MEF2C: variants seen among roughly 807,000 people sequenced by gnomAD.
MEF2C encodes myocyte-specific enhancer factor 2C.
A neutral mutation model predicts 50.5 loss-of-function variants in MEF2C; 6 were observed. That is an observed-to-expected ratio of 0.12 (90% CI 0.07 to 0.23). MEF2C has a LOEUF of 0.23. Among genes scored for constraint, MEF2C ranks in the 10% least tolerant of loss-of-function variants. The pLI is 1.00. For synonymous variants in MEF2C, 183 were observed against 228.0 expected (o/e 0.80, Z 1.78); for missense variants, 276 against 605.0 (o/e 0.46, Z 5.70).
At chr5:88,738,683 C>A in intron 6 of MEF2C, 1 of 985,254 alleles carries the variant, frequency 1.0e-6, no homozygotes, top group Non-Finnish European at 1.2e-6. Context: ...TATGGGGATA[C>A]AAATGAAGAG....
intron 1 of MEF2C, among the ~76,000 whole-genome samples, chr5:88,872,888 T>C (rs953732684): frequency 2.0e-5 from 3 of 152,034 alleles, no homozygotes; most frequent in Non-Finnish European, 4.4e-5. Flanking sequence ...GTTTGTCTAA[T>C]AGCATAATAT....
At chr5:88,723,030 G>A in intron 10 of MEF2C, 105 bp from the exon 11 acceptor site, 2 of 1,025,168 alleles carry the variant, frequency 2.0e-6, no homozygotes, top group South Asian at 1.7e-5. Flanking sequence ...AGACACCAGA[G>A]CATGCCCAGA....
At chr5:88,804,385 T>C in intron 3 of MEF2C, 1 of 520,008 alleles carries the variant, frequency 1.9e-6, no homozygotes, top group East Asian at 3.0e-5. Context: ...AAAGACCAGA[T>C]CTTACATGGT....
intron 2 of MEF2C, among the ~76,000 whole-genome samples, chr5:88,821,125 TTAAA>T (rs754569713): frequency 3.9e-4 from 59 of 152,116 alleles, no homozygotes; most frequent in Non-Finnish European, 7.5e-4. Flanking sequence ...TAAGCTGAAT[TTAAA>T]TAAGTTTTCT....
At chr5:88,746,775 A>G (rs1026808967) in intron 6 of MEF2C, 1 of 795,608 alleles carries the variant, frequency 1.3e-6, no homozygotes, top group Non-Finnish European at 1.5e-6. Context: ...TATGAGTAGG[A>G]CATGACAGCT....
intron 4 of MEF2C, chr5:88,752,466 T>C (rs904398729): frequency 2.5e-6 from 1 of 396,118 alleles, no homozygotes; most frequent in African/African-American, 2.2e-5. Context: ...TTGAAGCATA[T>C]TTATGTAGAA....
At chr5:88,835,813 T>TA (rs11417968) in intron 1 of MEF2C, among the ~76,000 whole-genome samples, 47,827 of 115,084 alleles carry the variant, frequency 0.42, 10,551 homozygotes, top group African/African-American at 0.63. Flanking sequence ...AACTCCATCT[T>TA]AAAAAAAAAA....
chr5:88,845,185 C>T (rs747672572), intron 1 of MEF2C, among the ~76,000 whole-genome samples: 67 of 152,288 alleles, frequency 4.4e-4, no homozygotes, highest in Non-Finnish European at 7.9e-4. Context: ...AAATAACGAA[C>T]GCTTAACTGC....
chr5:88,882,421 G>C (rs1249638814), intron 1 of MEF2C, among the ~76,000 whole-genome samples: 1 of 152,170 alleles, frequency 6.6e-6, no homozygotes, highest in South Asian at 2.1e-4. Flanking sequence ...CTTTGGTGAG[G>C]GAAGGAAATG....
In MEF2C at chr5:88,787,994, C is replaced by G. The variant is rs1287079498; in HGVS notation, c.258+16604G>C. On this transcript the variant is annotated intron_variant, in intron 3 of 10. Coordinates refer to ENST00000504921, the MANE Select transcript of MEF2C (RefSeq NM_002397.5). ...TTCTGTTCCTTGGAGTAAATGCCAA[C>G]TGAGTGATTCAACTTTCCTGGTTGG... Among the ~76,000 whole-genome samples, 4 of 152,278 alleles carry G rather than the reference C, an allele frequency of 2.6e-5. No individual in the cohort carries two copies. The East Asian group carries it at 5.8e-4, about 22-fold the overall frequency.
At chr5:88,833,547 G>A (rs940227813) in intron 1 of MEF2C, among the ~76,000 whole-genome samples, 2 of 152,146 alleles carry the variant, frequency 1.3e-5, no homozygotes, top group Admixed American at 1.3e-4. Context: ...GGAGCCAGCA[G>A]GGGTGGAAAC....
chr5:88,725,987 C>T (rs1303986548), intron 10 of MEF2C, among the ~76,000 whole-genome samples: 1 of 152,170 alleles, frequency 6.6e-6, no homozygotes, highest in Non-Finnish European at 1.5e-5. Context: ...GCAAGTTCCT[C>T]TGTCAGCCAT....
At chr5:88,872,435 G>T (rs1032746954) in intron 1 of MEF2C, among the ~76,000 whole-genome samples, 7 of 151,920 alleles carry the variant, frequency 4.6e-5, no homozygotes, top group Non-Finnish European at 8.8e-5. Flanking sequence ...GGAGAAAGAA[G>T]TATATTGAAC....
At chr5:88,733,378 G>A (rs1762506421) in intron 6 of MEF2C, 1 of 984,508 alleles carries the variant, frequency 1.0e-6, no homozygotes, top group Non-Finnish European at 1.2e-6. Flanking sequence ...TCAAATTCCA[G>A]GCTAAAAGTC....
chr5:88,723,977 G>C (rs1345028847), intron 10 of MEF2C, among the ~76,000 whole-genome samples: 1 of 151,566 alleles, frequency 6.6e-6, no homozygotes. Flanking sequence ...ACTTTGATCA[G>C]GATAAACCAT....
At chr5:88,764,773 A>C (rs560335917) in intron 3 of MEF2C, among the ~76,000 whole-genome samples, 1 of 144,124 alleles carries the variant, frequency 6.9e-6, no homozygotes, top group South Asian at 2.2e-4. Flanking sequence ...ACACCACTGC[A>C]CTTCAGCCTG....
intron 3 of MEF2C, among the ~76,000 whole-genome samples, chr5:88,763,986 C>T (rs892601693): frequency 6.6e-6 from 1 of 152,170 alleles, no homozygotes; most frequent in African/African-American, 2.4e-5. Flanking sequence ...AATTTAAAGC[C>T]TTCCATAATG....
intron 4 of MEF2C, among the ~76,000 whole-genome samples, chr5:88,755,960 C>T (rs1775101513): frequency 6.6e-6 from 1 of 152,180 alleles, no homozygotes; most frequent in Middle Eastern, 3.2e-3. Flanking sequence ...ATTAATTCTT[C>T]AGCTTCTAGA....
chr5:88,720,669 G>A lies in MEF2C; in HGVS notation c.*1935C>T, dbSNP rs900633332. Reference sequence around the variant, plus strand: ...GACAGATCTTCACATTCCAAGAGAAGGAAAATCTTTCCTAGACTGAAATAT... The same window carrying A: ...GACAGATCTTCACATTCCAAGAGAAAGAAAATCTTTCCTAGACTGAAATAT... On this transcript the variant is annotated 3_prime_UTR_variant, in exon 11 of 11. Coordinates refer to ENST00000504921, the MANE Select transcript of MEF2C (RefSeq NM_002397.5). The A allele has an allele frequency of 6.6e-6, 1 of 152,460 alleles. No individual in the cohort carries two copies. The highest frequency in any genetic ancestry group is 1.5e-5 in the Non-Finnish European group (1 of 67,986). The allele number at this position is 152,460 out of a possible 1,614,324, so 9.4% of individuals were successfully genotyped here.
Sources: allele counts gnomAD v4.1 joint callset (sites outside exome capture counted in the v4.1 genomes callset), GRCh38; gene constraint gnomAD v4.1.1; transcripts MANE v1.5; gene names NCBI Gene and HGNC (gene_info 2026-07-23, HGNC 2026-07-21).